PDGFC: variants seen among roughly 807,000 people sequenced by gnomAD.
PDGFC encodes the protein platelet derived growth factor C, also known as platelet-derived growth factor C.
A neutral mutation model predicts 35.5 loss-of-function variants in PDGFC; 12 were observed. That is an observed-to-expected ratio of 0.34 (90% confidence interval 0.22 to 0.55). The LOEUF is 0.55. Ranked by LOEUF, PDGFC falls within the 20% of genes least tolerant of loss-of-function variation. PDGFC has a pLI of 0.91. For missense variants in PDGFC, 322 were observed against 412.4 expected (o/e 0.78, Z 1.90); for synonymous variants, 159 against 148.8 (o/e 1.07, Z -0.50).
At chr4:156,916,506 G>A (rs1198859306) in intron 1 of PDGFC, among the ~76,000 whole-genome samples, 1 of 152,050 alleles carries the variant, frequency 6.6e-6, no homozygotes, top group Non-Finnish European at 1.5e-5. Flanking sequence ...TACCTTACTA[G>A]GCCCTAGATA....
intron 2 of PDGFC, among the ~76,000 whole-genome samples, chr4:156,843,078 CT>C (rs1729243186): frequency 6.6e-6 from 1 of 152,070 alleles, no homozygotes; most frequent in African/African-American, 2.4e-5. Context: ...TGTTTGTGTC[CT>C]TGCAAAACTC....
At chr4:156,883,568 C>T (rs1730305780) in intron 1 of PDGFC, among the ~76,000 whole-genome samples, 1 of 152,180 alleles carries the variant, frequency 6.6e-6, no homozygotes, top group Non-Finnish European at 1.5e-5. Flanking sequence ...TGATTAATTA[C>T]ACTGCCCACT....
Position 156,763,094 on chromosome 4 carries a change from C to G in PDGFC, c.1034G>C (p.Gly345Ala). The G allele has an allele frequency of 1.9e-6, 3 of 1,558,510 alleles. No homozygotes were observed. The highest frequency in any genetic ancestry group is 2.7e-6 in the Non-Finnish European group (3 of 1,129,528). Residue 345 changes from glycine to alanine, a missense_variant, in exon 6 of 6, where the codon GGA becomes GCA. Around this residue, in one of 2 missense-constraint regions of PDGFC, gnomAD observed 202 missense variants for 295.9 expected, o/e 0.68. Coordinates refer to ENST00000502773, the MANE Select transcript of PDGFC (RefSeq NM_016205.3). ...CDCVCRGSTGG is the reference protein window; with the variant it reads ...CDCVCRGSTGA ...GAGCTGCTGGTGGTGATGCGGCTATCCTCCTGTGCTCCCTCTGCACACACA... is the reference window on the plus strand; with the variant it reads ...GAGCTGCTGGTGGTGATGCGGCTATGCTCCTGTGCTCCCTCTGCACACACA...
chr4:156,768,441 A>G (rs1339318162), intron 4 of PDGFC, among the ~76,000 whole-genome samples: 4 of 152,126 alleles, frequency 2.6e-5, no homozygotes, highest in African/African-American at 9.6e-5. Context: ...TTAGTGAAGA[A>G]CAATTTATTG....
intron 3 of PDGFC, among the ~76,000 whole-genome samples, chr4:156,795,015 T>C (rs1009838067): frequency 1.3e-5 from 2 of 152,212 alleles, no homozygotes; most frequent in Non-Finnish European, 2.9e-5. Context: ...TGAAGCATAC[T>C]GACTGTTGAC....
At chr4:156,951,474 G>A (rs1437605497) in intron 1 of PDGFC, among the ~76,000 whole-genome samples, 1 of 151,526 alleles carries the variant, frequency 6.6e-6, no homozygotes, top group Admixed American at 6.6e-5. Flanking sequence ...TTACTGAATG[G>A]TCTGTTGGCA....
intron 1 of PDGFC, among the ~76,000 whole-genome samples, chr4:156,956,028 A>T (rs544977716): frequency 6.6e-6 from 1 of 152,162 alleles, no homozygotes; most frequent in South Asian, 2.1e-4. Flanking sequence ...CATTCTAAGC[A>T]TATGTCTAGT....
At chr4:156,926,049 CAAAAAAAAAAAA>C (rs397707839) in intron 1 of PDGFC, among the ~76,000 whole-genome samples, 2 of 67,546 alleles carry the variant, frequency 3.0e-5, no homozygotes, top group Admixed American at 2.0e-4. Flanking sequence ...AGATCTGTCT[CAAAAAAAAAAAA>C]AAAAAAAAAA....
chr4:156,800,698 G>C (rs1201700683), intron 3 of PDGFC, among the ~76,000 whole-genome samples: 1 of 152,118 alleles, frequency 6.6e-6, no homozygotes, highest in Non-Finnish European at 1.5e-5. Context: ...TTACATTAAT[G>C]TTATAACAGA....
Position 156,850,269 on chromosome 4 carries a change from G to A in PDGFC, c.266C>T (p.Thr89Met), listed in dbSNP as rs368835623. ...AVEENVWIQL[T>M]FDERFGLEDP... ...TTCAAGCCCAAATCTTTCATCAAAC[G>A]TAAGTTGTATCCATACATTTTCCTC... is the stretch of plus-strand genomic sequence containing the variant. Residue 89 changes from threonine to methionine, a missense_variant, in exon 2 of 6, where the codon ACG becomes ATG. Coordinates refer to ENST00000502773, the MANE Select transcript of PDGFC (RefSeq NM_016205.3). 2.3e-5 allele frequency: 37 copies of A among 1,603,736 alleles called. No individual in the cohort carries two copies. The highest frequency in any genetic ancestry group is 1.2e-4 in the African/African-American group (9 of 74,604).
chr4:156,857,430 C>A (rs868148224), intron 1 of PDGFC, among the ~76,000 whole-genome samples: 9 of 152,008 alleles, frequency 5.9e-5, no homozygotes, highest in Admixed American at 1.3e-4. Context: ...GGAAAAGGAG[C>A]AACTTTGTAG....
intron 2 of PDGFC, among the ~76,000 whole-genome samples, chr4:156,823,550 T>C (rs1008278716): frequency 5.3e-5 from 8 of 152,126 alleles, no homozygotes; most frequent in Admixed American, 2.6e-4. Flanking sequence ...CATGCAAAGA[T>C]CACTACTTTA....
At chr4:156,856,975 T>G (rs1385965213) in intron 1 of PDGFC, among the ~76,000 whole-genome samples, 1 of 152,020 alleles carries the variant, frequency 6.6e-6, no homozygotes, top group East Asian at 1.9e-4. Context: ...GTACCACACC[T>G]TGGGAATGCC....
intron 1 of PDGFC, among the ~76,000 whole-genome samples, chr4:156,877,965 A>T (rs968989650): frequency 3.9e-5 from 6 of 152,242 alleles, no homozygotes; most frequent in African/African-American, 1.4e-4. Context: ...CTTGTCTCTC[A>T]TAGCACATAT....
chr4:156,821,261 C>T (rs866875427), intron 2 of PDGFC, among the ~76,000 whole-genome samples: 1 of 151,920 alleles, frequency 6.6e-6, no homozygotes, highest in African/African-American at 2.4e-5. Flanking sequence ...AACCGTCTCA[C>T]TCTGTCATAC....
rs189916331 is a variant in PDGFC at position 156,865,449 on chromosome 4, T to C, written c.119-15033A>G. ...AAAATGTATATAGAAAAGAATATAG[T>C]AGATAACTCAATTGTACATCCTTAA... On this transcript the variant is annotated intron_variant, in intron 1 of 5. Transcript: ENST00000502773. Among the ~76,000 whole-genome samples, 315 of 152,294 alleles carry C rather than the reference T, an allele frequency of 2.1e-3. 4 individuals carry two copies. Among genetic ancestry groups the C allele is most frequent in the Admixed American group, 0.02 (304 of 15,298 alleles).
intron 1 of PDGFC, among the ~76,000 whole-genome samples, chr4:156,867,397 AACTAAGTG>A (rs2111131643): frequency 6.6e-6 from 1 of 152,328 alleles, no homozygotes; most frequent in African/African-American, 2.4e-5. Context: ...CTTTCTCTTA[AACTAAGTG>A]ACTTTTAAAA....
chr4:156,788,214 AAC>A (rs1731183300), intron 3 of PDGFC, among the ~76,000 whole-genome samples: 1 of 152,132 alleles, frequency 6.6e-6, no homozygotes, highest in African/African-American at 2.4e-5. Context: ...GAGAAAAAAA[AAC>A]ACACACAGAA....
intron 3 of PDGFC, among the ~76,000 whole-genome samples, chr4:156,794,030 C>T (rs1271962224): frequency 6.6e-6 from 1 of 152,138 alleles, no homozygotes. Flanking sequence ...CTACTGTTAA[C>T]ATGGATGATA....
Sources: gnomAD v4.1 joint callset for allele counts (sites outside exome capture counted in the v4.1 genomes callset) on GRCh38, gnomAD v4.1.1 for gene constraint, gnomAD v4.1.1 regional missense constraint, MANE v1.5 for transcripts, NCBI Gene and HGNC (gene_info 2026-07-23, HGNC 2026-07-21) for gene names.